BICRAL: variants seen among roughly 807,000 people sequenced by gnomAD.
BICRAL encodes the protein BRD4-interacting chromatin-remodeling complex-associated protein-like.
Under a neutral mutation model 91.8 loss-of-function variants are expected in BICRAL, and 8 were observed. The observed-to-expected ratio is 0.09, with a 90% CI of 0.05 to 0.16. The LOEUF is 0.16. BICRAL is among the 10% of genes least tolerant of loss of function. BICRAL has a pLI of 1.00. For missense variants in BICRAL, 1,038 were observed against 1,310.9 expected (o/e 0.79, Z 3.21); for synonymous variants, 445 against 491.1 (o/e 0.91, Z 1.24).
rs901338341 is a variant in BICRAL, at chr6:42,826,975, A to G, written c.160-1518A>G. On this transcript the variant is annotated intron_variant, in intron 5 of 12. Transcript: ENST00000314073. The stretch of plus-strand genomic sequence containing the variant: ...CTAATTTTGTATTTTTAGTAGAGAC[A>G]GGGTTTCTCCATGTTGGTCAGGCTG... Among the ~76,000 whole-genome samples the G allele has an allele frequency of 2.0e-5, 3 of 151,922 alleles. No homozygotes were observed. The East Asian group carries it at 5.9e-4, about 30-fold the overall frequency.
chr6:42,791,483 A>G (rs1200267536), intron 1 of BICRAL, among the ~76,000 whole-genome samples: 1 of 152,202 alleles, frequency 6.6e-6, no homozygotes. Flanking sequence ...ACCCAAATCC[A>G]GGACACTTTT....
intron 3 of BICRAL, 66 bp downstream of exon 3, chr6:42,822,129 C>T: frequency 2.1e-6 from 2 of 931,162 alleles, no homozygotes; most frequent in Non-Finnish European, 3.5e-6. Context: ...CTAAGACAAC[C>T]TAATAGCATA....
intron 2 of BICRAL, among the ~76,000 whole-genome samples, chr6:42,816,009 A>T (rs896103290): frequency 6.0e-5 from 9 of 149,310 alleles, no homozygotes; most frequent in African/African-American, 2.0e-4. Context: ...AAAAAAAAAA[A>T]GATACAGTAT....
At chr6:42,802,841 A>C (rs1053092499) in intron 1 of BICRAL, among the ~76,000 whole-genome samples, 1 of 152,052 alleles carries the variant, frequency 6.6e-6, no homozygotes, top group Non-Finnish European at 1.5e-5. Flanking sequence ...TCAGCCTCCC[A>C]AAGTGCTGAG....
At chr6:42,848,440 T>G (rs1425050865) in intron 6 of BICRAL, among the ~76,000 whole-genome samples, 1 of 152,178 alleles carries the variant, frequency 6.6e-6, no homozygotes, top group Admixed American at 6.5e-5. Context: ...CCTCAAGCGA[T>G]TGCAAATTTT....
At chr6:42,858,309 A>T (rs1044566797) in intron 10 of BICRAL, among the ~76,000 whole-genome samples, 29 of 150,474 alleles carry the variant, frequency 1.9e-4, no homozygotes, top group African/African-American at 6.6e-4. Flanking sequence ...TGAGGTCAGG[A>T]GTTCAAGACC....
At chr6:42,824,335 T>C (rs138328652) in intron 5 of BICRAL, among the ~76,000 whole-genome samples, 1 of 152,210 alleles carries the variant, frequency 6.6e-6, no homozygotes, top group South Asian at 2.1e-4. Flanking sequence ...ACTTTGCCAT[T>C]TTTCTAAGCT....
intron 6 of BICRAL, among the ~76,000 whole-genome samples, chr6:42,836,176 A>C (rs1425991160): frequency 6.6e-6 from 1 of 152,174 alleles, no homozygotes; most frequent in African/African-American, 2.4e-5. Context: ...GAACTTGAGG[A>C]TCATTTTATA....
chr6:42,828,405 A>G (rs1198461111), intron 5 of BICRAL, 88 bp from the exon 6 acceptor site: 29 of 1,265,118 alleles, frequency 2.3e-5, no homozygotes, highest in African/African-American at 3.0e-5. Context: ...CATCTCAAAA[A>G]AAAAAAAAAA....
chr6:42,801,203 A>T (rs887715499), intron 1 of BICRAL, among the ~76,000 whole-genome samples: 1 of 151,114 alleles, frequency 6.6e-6, no homozygotes, highest in East Asian at 1.9e-4. Flanking sequence ...GTGAGCCGAG[A>T]TCAAGCCACT....
chr6:42,855,861 G>A lies in BICRAL; in HGVS notation c.2052G>A (p.Glu684=), dbSNP rs1227691472. ...GAGGTTTGTTTTGTCTTTAGGTGGAGAGTCATTCGGGAGGACAAAAAAGGC... is the reference window on the plus strand; with the variant it reads ...GAGGTTTGTTTTGTCTTTAGGTGGAAAGTCATTCGGGAGGACAAAAAAGGC... ...SSPGHPAVQV[E]SHSGGQKRPA... The change falls in exon 9 of 13, where the codon GAG becomes GAA. Residue 684 remains glutamate, a synonymous_variant. Transcript: ENST00000314073. The A allele has an allele frequency of 6.2e-7, 1 of 1,612,772 alleles. No homozygotes were observed. The highest frequency in any genetic ancestry group is 8.5e-7 in the Non-Finnish European group (1 of 1,178,904).
chr6:42,809,688 C>T (rs1763803876), intron 1 of BICRAL, among the ~76,000 whole-genome samples: 1 of 151,978 alleles, frequency 6.6e-6, no homozygotes. Flanking sequence ...GTTGCCCAGG[C>T]TGGTCTCCAA....
chr6:42,853,659 T>G lies in BICRAL; in HGVS notation c.1967T>G (p.Val656Gly). ...ATAGGGCAGGATTCTGGAAGCAAAG[T>G]TATATCCGCATCCTTAGGAACCGCA... ...TLPGQDSGSK[V>G]ISASLGTAQP... is the part of the protein sequence containing the mutation. Residue 656 changes from valine (V) to glycine (G), a missense_variant, in exon 8 of 13, where the codon GTT (valine) becomes GGT (glycine). This residue lies in a region of BICRAL where 532 missense variants were observed against 724.9 expected (regional missense o/e 0.73). Transcript: ENST00000314073. 6.2e-7 allele frequency: 1 copy of G among 1,613,786 alleles called. No homozygotes were observed. The highest frequency in any genetic ancestry group is 8.5e-7 in the Non-Finnish European group (1 of 1,179,642).
At chr6:42,747,187 C>G (rs1393265984) in intron 1 of BICRAL, among the ~76,000 whole-genome samples, 2 of 152,198 alleles carry the variant, frequency 1.3e-5, no homozygotes, top group South Asian at 2.1e-4. Flanking sequence ...GGTGGGCAGC[C>G]AAGACGGCGC....
chr6:42,826,469 A>G lies in BICRAL; in HGVS notation c.160-2024A>G, dbSNP rs1180753876. Reference sequence around the variant, plus strand: ...AGGCTGGTCTTGAACTCCGGACCTCAGGTGATCCACCCGCCTCGGCCTCCC... The same window carrying G: ...AGGCTGGTCTTGAACTCCGGACCTCGGGTGATCCACCCGCCTCGGCCTCCC... On this transcript the variant is annotated intron_variant, in intron 5 of 12. Coordinates refer to ENST00000314073, the MANE Select transcript of BICRAL (RefSeq NM_001393499.1). 5.3e-5 allele frequency among the ~76,000 whole-genome samples: 8 copies of G among 151,866 alleles called. No individual in the cohort carries two copies. The East Asian group carries it at 1.2e-3, about 22-fold the overall frequency.
At chr6:42,834,067 T>G (rs1190023762) in intron 6 of BICRAL, among the ~76,000 whole-genome samples, 1 of 152,206 alleles carries the variant, frequency 6.6e-6, no homozygotes, top group Non-Finnish European at 1.5e-5. Context: ...TTGGCCAGGC[T>G]GGTCTCGAAC....
At chr6:42,774,190 G>T (rs1762779486) in intron 1 of BICRAL, among the ~76,000 whole-genome samples, 1 of 152,172 alleles carries the variant, frequency 6.6e-6, no homozygotes, top group South Asian at 2.1e-4. Context: ...AGGTCAGAGA[G>T]ACCTTGAGGC....
At chr6:42,798,478 CTTGAGGCAAGGAGT>C (rs1184844058) in intron 1 of BICRAL, among the ~76,000 whole-genome samples, 1 of 152,150 alleles carries the variant, frequency 6.6e-6, no homozygotes, top group East Asian at 1.9e-4. Flanking sequence ...AGGCAGATCA[CTTGAGGCAAGGAGT>C]TTGAGACCAG....
At chr6:42,777,986 A>C (rs1326932065), upstream of BICRAL, among the ~76,000 whole-genome samples, 1 of 152,228 alleles carries the variant, frequency 6.6e-6, no homozygotes, top group East Asian at 1.9e-4. Context: ...TATAAACTAT[A>C]ATTTTAAATT....
Sources: gnomAD v4.1 joint callset for allele counts (sites outside exome capture counted in the v4.1 genomes callset) on GRCh38, gnomAD v4.1.1 for gene constraint, gnomAD v4.1.1 regional missense constraint, MANE v1.5 for transcripts, NCBI Gene and HGNC (gene_info 2026-07-23, HGNC 2026-07-21) for gene names.